Variants in KCNAB1 observed in about 807,000 individuals in gnomAD.
KCNAB1 encodes the protein voltage-gated potassium channel subunit beta-1.
KCNAB1 carries 35 observed loss-of-function variants against 64.6 expected under a neutral mutation model. The observed-to-expected ratio is 0.54, with a 90% confidence interval of 0.41 to 0.72. The LOEUF (loss-of-function observed/expected upper bound fraction) is 0.72, where lower values mean the gene tolerates loss of function less well. KCNAB1 is among the 30% of genes least tolerant of loss of function. The pLI, the probability that KCNAB1 is intolerant of heterozygous loss-of-function variation, is 0.00. For synonymous variants in KCNAB1, 177 were observed against 183.8 expected, an observed-to-expected ratio of 0.96 and a Z score of 0.30; for missense variants, 401 against 512.9, an observed-to-expected ratio of 0.78 and a Z score of 2.11.
intron 1 of KCNAB1, among the ~76,000 whole-genome samples, chr3:156,151,388 A>G (rs891244202): frequency 2.0e-5 from 3 of 152,174 alleles, no homozygotes; most frequent in Non-Finnish European, 4.4e-5. Context: ...TCTGCAAAAT[A>G]TATCATCCAA....
intron 1 of KCNAB1, among the ~76,000 whole-genome samples, chr3:156,416,011 A>G (rs1009312642): frequency 5.3e-5 from 8 of 152,148 alleles, no homozygotes; most frequent in Non-Finnish European, 1.2e-4. Flanking sequence ...CAAATCAGAA[A>G]CCTGAGAATG....
At chr3:156,184,355 A>G (rs995917024) in intron 1 of KCNAB1, among the ~76,000 whole-genome samples, 1 of 152,160 alleles carries the variant, frequency 6.6e-6, no homozygotes, top group African/African-American at 2.4e-5. Context: ...TGTTGTACCA[A>G]AAGGAATCTT....
intron 1 of KCNAB1, among the ~76,000 whole-genome samples, chr3:156,410,898 T>C (rs1714602554): frequency 6.6e-6 from 1 of 152,230 alleles, no homozygotes; most frequent in Non-Finnish European, 1.5e-5. Context: ...AAAGCTGCTA[T>C]GAATATTTAT....
At chr3:156,150,250 A>G (rs4679761) in intron 1 of KCNAB1, among the ~76,000 whole-genome samples, 76,375 of 152,048 alleles carry the variant, frequency 0.5, 21,277 homozygotes, top group Admixed American at 0.7. Flanking sequence ...GTTATTTCCT[A>G]TTGAATGGAA....
intron 8 of KCNAB1, among the ~76,000 whole-genome samples, chr3:156,482,900 G>A (rs13069490): frequency 0.61 from 92,199 of 151,938 alleles, 30,165 homozygotes; most frequent in African/African-American, 0.86. Context: ...GTAGTCTCCA[G>A]GTCTACTACC....
At chr3:156,187,415 C>T (rs896679586) in intron 1 of KCNAB1, among the ~76,000 whole-genome samples, 10 of 152,198 alleles carry the variant, frequency 6.6e-5, no homozygotes, top group African/African-American at 1.9e-4. Flanking sequence ...GATAATTCTG[C>T]CTGGATGATT....
intron 1 of KCNAB1, among the ~76,000 whole-genome samples, chr3:156,134,425 G>T (rs556005878): frequency 1.9e-4 from 29 of 152,132 alleles, no homozygotes; most frequent in African/African-American, 6.8e-4. Flanking sequence ...AAATCCAGTC[G>T]TGTTCAAATT....
chr3:156,342,585 CTTTTT>C (rs60982892), intron 1 of KCNAB1, among the ~76,000 whole-genome samples: 113 of 86,268 alleles, frequency 1.3e-3, no homozygotes, highest in African/African-American at 4.0e-3. Flanking sequence ...CTATGTGTTT[CTTTTT>C]TTTTTTTTTT....
intron 1 of KCNAB1, among the ~76,000 whole-genome samples, chr3:156,367,166 T>G (rs540369110): frequency 6.9e-6 from 1 of 145,666 alleles, no homozygotes; most frequent in Non-Finnish European, 1.5e-5. Context: ...CTCAGAGTAA[T>G]CTACCTTTTT....
intron 1 of KCNAB1, among the ~76,000 whole-genome samples, chr3:156,394,788 C>T (rs1713304953): frequency 6.6e-6 from 1 of 152,182 alleles, no homozygotes; most frequent in Admixed American, 6.5e-5. Context: ...TTATTCTTCT[C>T]TCTTCAACTC....
intron 1 of KCNAB1, among the ~76,000 whole-genome samples, chr3:156,221,097 C>T (rs961374500): frequency 2.0e-5 from 3 of 152,134 alleles, no homozygotes; most frequent in Admixed American, 6.5e-5. Context: ...GGTACCAGTA[C>T]CATGCTGTTT....
chr3:156,354,053 G>GTGTGTGTGTGTGTGTGTGTGTA (rs1725042379), intron 1 of KCNAB1, among the ~76,000 whole-genome samples: 1 of 139,322 alleles, frequency 7.2e-6, no homozygotes, highest in Non-Finnish European at 1.6e-5. Flanking sequence ...ATATATGTGT[G>GTGTGTGTGTGTGTGTGTGTGTA]TGTGTGTGTG....
intron 1 of KCNAB1, among the ~76,000 whole-genome samples, chr3:156,284,890 C>T (rs1314302334): frequency 2.6e-5 from 4 of 152,188 alleles, no homozygotes; most frequent in African/African-American, 7.2e-5. Context: ...GAGATGAACC[C>T]GGTACCTCAG....
chr3:156,142,969 G>A, intron 1 of KCNAB1: 1 of 1,239,454 alleles, frequency 8.1e-7, no homozygotes, highest in East Asian at 3.4e-5. Flanking sequence ...TTTATGCACA[G>A]GCCTGGGCAG....
chr3:156,217,746 T>C (rs1461197669), intron 1 of KCNAB1, among the ~76,000 whole-genome samples: 2 of 152,254 alleles, frequency 1.3e-5, no homozygotes, highest in African/African-American at 2.4e-5. Flanking sequence ...ATACCTGTTA[T>C]GGTGTCTCTG....
At chr3:156,141,072 T>C (rs909205943) in intron 1 of KCNAB1, among the ~76,000 whole-genome samples, 1 of 151,770 alleles carries the variant, frequency 6.6e-6, no homozygotes, top group Non-Finnish European at 1.5e-5. Context: ...TTTTTTTTTT[T>C]AAACTTTCTA....
chr3:156,319,114 G>A (rs958550949), intron 1 of KCNAB1, among the ~76,000 whole-genome samples: 2 of 152,100 alleles, frequency 1.3e-5, no homozygotes, highest in African/African-American at 4.8e-5. Context: ...TAAAAGATAA[G>A]TTGCAAGGGA....
chr3:156,138,332 A>G (rs1271445202), intron 1 of KCNAB1, among the ~76,000 whole-genome samples: 3 of 152,202 alleles, frequency 2.0e-5, no homozygotes, highest in Non-Finnish European at 4.4e-5. Flanking sequence ...ATAGAAAAAT[A>G]TGCGCTGGAC....
intron 8 of KCNAB1, among the ~76,000 whole-genome samples, chr3:156,496,435 C>T (rs115456504): frequency 0.019 from 2,863 of 152,190 alleles, 69 homozygotes; most frequent in African/African-American, 0.056. Context: ...GCTCTTTTGC[C>T]TGCCACCATG....
Sources: allele counts gnomAD v4.1 joint callset (sites outside exome capture counted in the v4.1 genomes callset), GRCh38; gene constraint gnomAD v4.1.1; transcripts MANE v1.5; gene names NCBI Gene and HGNC (gene_info 2026-07-23, HGNC 2026-07-21).